Variants in KLF8 observed in about 807,000 individuals in gnomAD.
The protein encoded by KLF8 is Krueppel-like factor 8.
KLF8 carries 10 observed loss-of-function variants against 18.2 expected under a neutral mutation model. That is an observed-to-expected ratio of 0.55 (90% CI 0.34 to 0.93). The LOEUF is 0.93. KLF8 is among the 40% of genes least tolerant of loss of function. KLF8 has a pLI of 0.02. For missense variants in KLF8, 264 were observed against 277.9 expected (o/e 0.95, Z 0.36); for synonymous variants, 109 against 97.3 (o/e 1.12, Z -0.71).
chrX:56,283,925 C>G (rs971671354), intron 5 of KLF8, among the ~76,000 whole-genome samples: 1 of 112,075 alleles, frequency 8.9e-6, no homozygotes, highest in Non-Finnish European at 1.9e-5. Context: ...CCTATTTGAA[C>G]AAGAGGCTAT....
chrX:56,204,005 T>C, the KLF8 span, among the ~76,000 whole-genome samples: 2 of 111,559 alleles, frequency 1.8e-5, no homozygotes, highest in African/African-American at 3.3e-5. Context: ...ATCTCTAGAT[T>C]GCTTTATGTA....
the KLF8 span, among the ~76,000 whole-genome samples, chrX:56,169,565 C>T: frequency 8.1e-5 from 9 of 111,147 alleles, no homozygotes; most frequent in Admixed American, 8.6e-4. Flanking sequence ...TCTCTGTGGA[C>T]CTGTGATGGT....
At chrX:56,243,278 G>A in intron 1 of KLF8, 4 of 412,158 alleles carry the variant, frequency 9.7e-6, no homozygotes, top group Non-Finnish European at 1.8e-5. Flanking sequence ...GAAGGTGAGG[G>A]GTGTGTGGAT....
the KLF8 span, among the ~76,000 whole-genome samples, chrX:56,003,728 G>A: frequency 9.0e-6 from 1 of 111,550 alleles, no homozygotes; most frequent in Admixed American, 9.5e-5. Flanking sequence ...TCTTTTTACC[G>A]CTCTTCCTGG....
At chrX:56,137,618 G>T in the KLF8 span, among the ~76,000 whole-genome samples, 1 of 73,373 alleles carries the variant, frequency 1.4e-5, no homozygotes, top group African/African-American at 5.9e-5. Context: ...GGGGGGAGGG[G>T]GGAGGGATAG....
At chrX:56,048,937 G>C in the KLF8 span, among the ~76,000 whole-genome samples, 1 of 111,007 alleles carries the variant, frequency 9.0e-6, no homozygotes, top group Non-Finnish European at 1.9e-5. Context: ...ATCCTCTTTT[G>C]TTTCATTGAA....
At chrX:56,069,667 G>T in the KLF8 span, among the ~76,000 whole-genome samples, 1 of 111,525 alleles carries the variant, frequency 9.0e-6, no homozygotes, top group Admixed American at 9.4e-5. Flanking sequence ...AGATGCCAGA[G>T]CAGTCAACTC....
At chrX:56,240,923 C>T (rs1388100402) in intron 1 of KLF8, among the ~76,000 whole-genome samples, 1 of 111,582 alleles carries the variant, frequency 9.0e-6, no homozygotes, top group African/African-American at 3.3e-5. Context: ...ATTAGAAATG[C>T]CATGAAGTGT....
chrX:55,959,197 A>G, the KLF8 span, among the ~76,000 whole-genome samples: 75 of 112,368 alleles, frequency 6.7e-4, no homozygotes, highest in East Asian at 0.019. Flanking sequence ...TGAAGCCAAT[A>G]GACTAAAACC....
intron 5 of KLF8, among the ~76,000 whole-genome samples, chrX:56,277,941 G>T (rs2067143958): frequency 1.8e-5 from 2 of 112,459 alleles, no homozygotes; most frequent in Admixed American, 1.9e-4. Flanking sequence ...ACTACCATAG[G>T]CTTACAGGGA....
At chrX:56,050,257 C>G in the KLF8 span, among the ~76,000 whole-genome samples, 1 of 111,373 alleles carries the variant, frequency 9.0e-6, no homozygotes, top group Non-Finnish European at 1.9e-5. Context: ...TTTTTTGTGT[C>G]TCTATTTCCT....
the KLF8 span, among the ~76,000 whole-genome samples, chrX:56,076,464 A>G: frequency 9.1e-6 from 1 of 110,186 alleles, no homozygotes. Context: ...TACAAAGGAC[A>G]TGAACTCATC....
the KLF8 span, among the ~76,000 whole-genome samples, chrX:56,084,544 T>C: frequency 8.9e-6 from 1 of 112,231 alleles, no homozygotes; most frequent in Non-Finnish European, 1.9e-5. Flanking sequence ...CATATAATTT[T>C]AAGAGGCAGA....
At chrX:56,003,734 C>T in the KLF8 span, among the ~76,000 whole-genome samples, 8 of 112,070 alleles carry the variant, frequency 7.1e-5, no homozygotes, top group Non-Finnish European at 1.3e-4. Flanking sequence ...TACCGCTCTT[C>T]CTGGTGGCTG....
the KLF8 span, among the ~76,000 whole-genome samples, chrX:56,079,047 G>A: frequency 2.7e-5 from 3 of 110,607 alleles, no homozygotes; most frequent in Non-Finnish European, 3.8e-5. Context: ...TTCTTTATTA[G>A]TCTTGCTAGC....
the KLF8 span, among the ~76,000 whole-genome samples, chrX:56,184,702 G>A: frequency 9.0e-6 from 1 of 111,694 alleles, no homozygotes; most frequent in Non-Finnish European, 1.9e-5. Flanking sequence ...TCAGACAGCA[G>A]CATTCGTGGT....
At chrX:56,027,458 A>G in the KLF8 span, among the ~76,000 whole-genome samples, 1 of 112,147 alleles carries the variant, frequency 8.9e-6, no homozygotes, top group Non-Finnish European at 1.9e-5. Context: ...CTTTTTCTTT[A>G]TATAATGCCC....
the KLF8 span, among the ~76,000 whole-genome samples, chrX:55,995,022 T>C: frequency 8.9e-6 from 1 of 112,282 alleles, no homozygotes; most frequent in African/African-American, 3.2e-5. Context: ...TCTCCCACTA[T>C]TGTTGTGTTT....
At chrX:56,075,158 C>A in the KLF8 span, among the ~76,000 whole-genome samples, 2 of 109,874 alleles carry the variant, frequency 1.8e-5, no homozygotes, top group African/African-American at 6.6e-5. Context: ...TCTTTCATTT[C>A]TTTTGTTAAA....
Sources: allele counts gnomAD v4.1 joint callset (sites outside exome capture counted in the v4.1 genomes callset), GRCh38; gene constraint gnomAD v4.1.1; transcripts MANE v1.5; gene names NCBI Gene and HGNC (gene_info 2026-07-23, HGNC 2026-07-21).